The following BCL9L variants were observed in gnomAD, a reference collection of about 807,000 sequenced individuals.
BCL9L encodes the protein B-cell CLL/lymphoma 9-like protein.
A neutral mutation model predicts 99.4 loss-of-function variants in BCL9L; 19 were observed. The ratio of observed to expected loss-of-function variants is 0.19; its 90% CI spans 0.13 to 0.28. The LOEUF is 0.28. Ranked by LOEUF, BCL9L falls within the 10% of genes least tolerant of loss-of-function variation. The pLI, the probability that BCL9L is intolerant of heterozygous loss-of-function variation, is 1.00. For synonymous variants in BCL9L, 900 were observed against 854.8 expected (o/e 1.05, Z -0.92); for missense variants, 2,023 against 2,101.6 (o/e 0.96, Z 0.73).
chr11:118,920,641 C>T (rs148956718), intron 1 of BCL9L, among the ~76,000 whole-genome samples: 1 of 152,270 alleles, frequency 6.6e-6, no homozygotes, highest in Non-Finnish European at 1.5e-5. Context: ...TCCTTTAGAA[C>T]ACCGAGCCTC....
chr11:118,909,809 G>GGCGA, intron 3 of BCL9L, 105 bp downstream of exon 3: 1 of 1,570,408 alleles, frequency 6.4e-7, no homozygotes, highest in Non-Finnish European at 8.7e-7. Context: ...AGGTGCCCAG[G>GGCGA]GCGGCTCCTC....
rs1355230015 is a variant in BCL9L, at chr11:118,898,740, C to T, written c.4175G>A (p.Cys1392Tyr). 6.2e-7 allele frequency: 1 copy of T among 1,613,422 alleles called. No homozygotes were observed. The highest frequency in any genetic ancestry group is 1.1e-5 in the South Asian group (1 of 91,040). ...GVQRGLNMSM[C>Y]HPGQMSLLGR... is the part of the protein sequence containing the mutation. ...CAGCAAGGACATCTGTCCAGGGTGG[C>T]ACATGGACATGTTGAGCCCCCGCTG... The change falls in exon 10 of 10, where the codon TGC (cysteine) becomes TAC (tyrosine). Residue 1392 changes from cysteine to tyrosine, a missense_variant. Physicochemically the swap from Cys to Tyr is radical, Grantham distance 194. This residue lies in a region of BCL9L where 902 missense variants were observed against 888.2 expected (regional missense o/e 1.02). Transcript: ENST00000683865.
chr11:118,909,869 C>T (rs763055620), intron 3 of BCL9L, 45 bp downstream of exon 3: 7 of 1,613,486 alleles, frequency 4.3e-6, no homozygotes, highest in African/African-American at 4.0e-5. Flanking sequence ...CTTCCCTTCC[C>T]GCACTCCACA....
chr11:118,918,180 G>A (rs898297265), intron 2 of BCL9L, among the ~76,000 whole-genome samples: 4 of 152,178 alleles, frequency 2.6e-5, no homozygotes, highest in African/African-American at 7.2e-5. Context: ...TTCCCTAGTC[G>A]AACCGGGAGC....
Position 118,899,181 on chromosome 11 carries a change from C to T in BCL9L, c.3734G>A (p.Gly1245Glu), listed in dbSNP as rs762737245. 2.0e-6 allele frequency: 3 copies of T among 1,485,906 alleles called. No homozygotes were observed. 92.0% of individuals were successfully genotyped at this position (1,485,906 alleles called of 1,614,324 possible). A position where few individuals can be genotyped will look rare whatever the true frequency, so the allele number is the denominator to read the frequency against. Residue 1245 changes from glycine (G) to glutamate (E), a missense_variant, in exon 10 of 10, where the codon GGG (glycine) becomes GAG (glutamate). Physicochemically the swap from Gly to Glu is moderately conservative, Grantham distance 98. Around this residue, in one of 3 missense-constraint regions of BCL9L, gnomAD observed 902 missense variants for 888.2 expected, o/e 1.02. Transcript: ENST00000683865. ...CTGCTGCAGGCCAGGCCCCCCGCCC[C>T]CACCCCCAGTGGGGGCCATGGCACC... ...PHGAMAPTGGGGGGPGLQQHY... is the reference protein window; with the variant it reads ...PHGAMAPTGGEGGGPGLQQHY...
chr11:118,909,443 C>T (rs1940684687), intron 3 of BCL9L, among the ~76,000 whole-genome samples: 3 of 152,248 alleles, frequency 2.0e-5, no homozygotes, highest in South Asian at 4.1e-4. Context: ...CCCCTCATTC[C>T]ACACCAGCTC....
chr11:118,924,275 C>T (rs1185997272), intron 1 of BCL9L, among the ~76,000 whole-genome samples: 1 of 151,934 alleles, frequency 6.6e-6, no homozygotes, highest in Non-Finnish European at 1.5e-5. Flanking sequence ...ACGCCCAGTT[C>T]ACCTCTCTCA....
chr11:118,908,767 G>T (rs891949781), intron 3 of BCL9L, 112 bp from the exon 4 acceptor site: 3 of 851,050 alleles, frequency 3.5e-6, no homozygotes, highest in Admixed American at 5.4e-5. Context: ...GTGGGGGGAA[G>T]GGGTGGTATC....
chr11:118,915,408 G>C (rs981132940), intron 2 of BCL9L, among the ~76,000 whole-genome samples: 11 of 152,180 alleles, frequency 7.2e-5, no homozygotes, highest in Admixed American at 7.2e-4. Context: ...GCACTGTCCA[G>C]ATATTTTCCC....
At chr11:118,907,351 A>G in intron 5 of BCL9L, 132 bp downstream of exon 5, 1 of 1,456,458 alleles carries the variant, frequency 6.9e-7, no homozygotes, top group South Asian at 1.2e-5. Flanking sequence ...GGAGGGACAG[A>G]GTCTGAGAGG....
At chr11:118,909,873 C>G (rs759741925) in intron 3 of BCL9L, 41 bp downstream of exon 3, 2 of 1,613,754 alleles carry the variant, frequency 1.2e-6, no homozygotes, top group Non-Finnish European at 1.7e-6. Flanking sequence ...CCTTCCCGCA[C>G]TCCACACACA....
intron 3 of BCL9L, 79 bp downstream of exon 3, chr11:118,909,835 C>G (rs1940704466): frequency 1.2e-6 from 2 of 1,609,362 alleles, no homozygotes; most frequent in South Asian, 2.2e-5. Flanking sequence ...GCCAGCACAG[C>G]TTGGGCCCCA....
In BCL9L at chr11:118,900,387, A is replaced by T. The variant is rs572459389; in HGVS notation, c.3125-189T>A. Reference sequence around the variant, plus strand: ...GCAATTCCTGCAGCCTCAGGGCCCCAGGCAAGGGGAAGATCCCAGGCCCCA... The same window carrying T: ...GCAATTCCTGCAGCCTCAGGGCCCCTGGCAAGGGGAAGATCCCAGGCCCCA... On this transcript the variant is annotated intron_variant, in intron 8 of 9. Transcript: ENST00000683865. This position sits in a 1 kb window ranked among gnomAD's most constrained non-coding sequence, Gnocchi z 5.3. Among the ~76,000 whole-genome samples the T allele has an allele frequency of 6.6e-6, 1 of 152,060 alleles. No homozygotes were observed. Among genetic ancestry groups the T allele is most frequent in the African/African-American group, 2.4e-5 (1 of 41,390 alleles).
intron 2 of BCL9L, chr11:118,910,231 A>G: frequency 2.2e-6 from 1 of 459,158 alleles, no homozygotes; most frequent in Non-Finnish European, 4.0e-6. Context: ...TGCAGTCTCC[A>G]GCAAGCCTCC....
rs563843924 is a variant in BCL9L, at chr11:118,901,619, C to T, written c.2124G>A (p.Met708Ile). 29 of 1,614,028 alleles carry T rather than the reference C, an allele frequency of 1.8e-5. No individual in the cohort carries two copies. The South Asian group carries it at 3.0e-4, about 16-fold the overall frequency. The change falls in exon 8 of 10, where the codon ATG becomes ATA. Residue 708 changes from methionine to isoleucine, a missense_variant. Physicochemically the swap from Met to Ile is conservative, Grantham distance 10 (BLOSUM62 1). This residue lies in a region of BCL9L where 1,116 missense variants were observed against 1,194.6 expected (regional missense o/e 0.93). Coordinates refer to ENST00000683865, the MANE Select transcript of BCL9L (RefSeq NM_001378213.1). This position sits in a 1 kb window ranked among gnomAD's most constrained non-coding sequence, Gnocchi z 6.6. ...GTCGGTGCGCCTGCATCATCCGCTCCATCTCCATGCTCTGTCCCATGCCAC... is the reference window on the plus strand; with the variant it reads ...GTCGGTGCGCCTGCATCATCCGCTCTATCTCCATGCTCTGTCCCATGCCAC... ...AGSGMGQSME[M>I]ERMMQAHRQM...
rs186399682 is a variant in BCL9L at position 118,914,782 on chromosome 11, C to T, written c.-77+4044G>A. Among the ~76,000 whole-genome samples the T allele has an allele frequency of 3.3e-4, 50 of 152,346 alleles. No individual in the cohort carries two copies. Among genetic ancestry groups the T allele is most frequent in the Admixed American group, 2.4e-3 (36 of 15,310 alleles). On this transcript the variant is annotated intron_variant, in intron 2 of 9. Transcript: ENST00000683865. The surrounding 1 kb of genome is among the most constrained non-coding windows in gnomAD (Gnocchi z 4.4). ...AGCTGCTCCCAGAGGAGGTCTGGTGCCTGGTGGCCTCGCCCTCTGAGGTTG... is the reference window on the plus strand; with the variant it reads ...AGCTGCTCCCAGAGGAGGTCTGGTGTCTGGTGGCCTCGCCCTCTGAGGTTG...
At position 118,899,254 on chromosome 11, in the gene BCL9L, T is replaced by G; in HGVS notation, c.3661A>C (p.Ser1221Arg). The change falls in exon 10 of 10, where the codon AGC becomes CGC. Residue 1221 changes from serine to arginine, a missense_variant. Physicochemically the swap from Ser to Arg is moderately radical, Grantham distance 110. Coordinates refer to ENST00000683865, the MANE Select transcript of BCL9L (RefSeq NM_001378213.1). ...SLNAPCGPVP[S>R]SSQMMPFPPR... ...GGGAAGGGCATCATCTGGGAGGAGC[T>G]GGGCACTGGGCCACAGGGGGCATTC... The G allele has an allele frequency of 6.6e-7, 1 of 1,522,834 alleles. No individual in the cohort carries two copies. The highest frequency in any genetic ancestry group is 2.3e-5 in the East Asian group (1 of 43,500). 94.3% of individuals were successfully genotyped at this position (1,522,834 alleles called of 1,614,324 possible). A position where few individuals can be genotyped will look rare whatever the true frequency, so the allele number is the denominator to read the frequency against.
Position 118,920,682 on chromosome 11 carries a change from C to G in BCL9L, c.-130-1803G>C, listed in dbSNP as rs572804639. ...AACAACCACCACTGTATAATCAGGA[C>G]AAGAAGAGGTGGACAGGTGGTATGA... On this transcript the variant is annotated intron_variant, in intron 1 of 9. Coordinates refer to ENST00000683865, the MANE Select transcript of BCL9L (RefSeq NM_001378213.1). Among the ~76,000 whole-genome samples, 8 of 152,238 alleles carry G rather than the reference C, an allele frequency of 5.3e-5. No individual in the cohort carries two copies. In the East Asian group the frequency reaches 5.8e-4, roughly 11 times the overall value.
At chr11:118,907,874 G>C (rs1027630811) in intron 4 of BCL9L, among the ~76,000 whole-genome samples, 1 of 152,214 alleles carries the variant, frequency 6.6e-6, no homozygotes, top group African/African-American at 2.4e-5. Context: ...CTGGAGGGGA[G>C]GGGGAGCTGC....
Sources: gnomAD v4.1 joint callset for allele counts (sites outside exome capture counted in the v4.1 genomes callset) on GRCh38, gnomAD v4.1.1 for gene constraint, gnomAD v4.1.1 regional missense constraint, Gnocchi (gnomAD v3.1) non-coding constraint, MANE v1.5 for transcripts, NCBI Gene and HGNC (gene_info 2026-07-23, HGNC 2026-07-21) for gene names.